Variants in CSMD3 observed in about 807,000 individuals in gnomAD.
CSMD3 encodes the protein CUB and Sushi multiple domains 3, also known as CUB and sushi domain-containing protein 3.
Under a neutral mutation model 435.2 loss-of-function variants are expected in CSMD3, and 177 were observed. The observed-to-expected ratio is 0.41, with a 90% CI of 0.36 to 0.46. The LOEUF (loss-of-function observed/expected upper bound fraction) is 0.46. Among genes scored for constraint, CSMD3 ranks in the 20% least tolerant of loss-of-function variants. The pLI is 0.34. For synonymous variants in CSMD3, 1,656 were observed against 1,520.5 expected, an observed-to-expected ratio of 1.09 and a Z score of -2.07; for missense variants, 4,265 against 4,504.6, an observed-to-expected ratio of 0.95 and a Z score of 1.52.
rs966606634 is a variant in CSMD3, at chr8:112,263,947, T to G, written c.9689-135A>C. 9.7e-6 allele frequency: 8 copies of G among 821,388 alleles called. No homozygotes were observed. In the African/African-American group the frequency reaches 1.2e-4, roughly 12 times the overall value. The allele number at this position is 821,388 out of a possible 1,614,324, so 50.9% of individuals were successfully genotyped here. On this transcript the variant is annotated intron_variant, in intron 60 of 70. Transcript: ENST00000297405. ...GGACAATATGTTGTGACATATCTTA[T>G]TCTCCTGGTAGTGTTCCTGAGTCAT...
chr8:113,246,589 T>C lies in CSMD3; in HGVS notation c.514+32003A>G, dbSNP rs2093278499. On this transcript the variant is annotated intron_variant, in intron 3 of 70. Coordinates refer to ENST00000297405, the MANE Select transcript of CSMD3 (RefSeq NM_198123.2). ...ATATCTGTAATTTGGATATAATTTCTATTAACTACTTTTTTCCTATTATGG... is the reference window on the plus strand; with the variant it reads ...ATATCTGTAATTTGGATATAATTTCCATTAACTACTTTTTTCCTATTATGG... 2.0e-5 allele frequency among the ~76,000 whole-genome samples: 3 copies of C among 152,182 alleles called. No homozygotes were observed. The South Asian group carries it at 6.2e-4, about 31-fold the overall frequency.
At chr8:112,875,697 C>T (rs1333743763) in intron 10 of CSMD3, among the ~76,000 whole-genome samples, 2 of 152,124 alleles carry the variant, frequency 1.3e-5, no homozygotes, top group African/African-American at 2.4e-5. Flanking sequence ...ATCCTTTCTT[C>T]CAATGGATCA....
At chr8:113,356,467 A>G (rs2094228864) in intron 1 of CSMD3, among the ~76,000 whole-genome samples, 1 of 152,148 alleles carries the variant, frequency 6.6e-6, no homozygotes, top group African/African-American at 2.4e-5. Context: ...GAAGATTTCT[A>G]CCTTTACAGG....
chr8:112,592,770 T>C (rs916682488), intron 22 of CSMD3, among the ~76,000 whole-genome samples: 3 of 152,122 alleles, frequency 2.0e-5, no homozygotes, highest in Non-Finnish European at 4.4e-5. Context: ...AAAAATAATG[T>C]TCTTAATAAA....
chr8:113,073,849 T>A (rs1042092811), intron 5 of CSMD3, among the ~76,000 whole-genome samples: 1 of 151,842 alleles, frequency 6.6e-6, no homozygotes, highest in African/African-American at 2.4e-5. Context: ...AGTCTTGTCA[T>A]CCTAATTAAT....
intron 7 of CSMD3, among the ~76,000 whole-genome samples, chr8:112,974,976 A>G (rs776139413): frequency 6.6e-6 from 1 of 151,886 alleles, no homozygotes; most frequent in South Asian, 2.1e-4. Context: ...AATATGTTCA[A>G]TTAATTAATG....
chr8:113,172,408 G>A (rs2092282813), intron 4 of CSMD3, among the ~76,000 whole-genome samples: 5 of 152,142 alleles, frequency 3.3e-5, no homozygotes, highest in Non-Finnish European at 7.4e-5. Flanking sequence ...AACACCAGCA[G>A]TAGCAGTAAT....
At chr8:113,348,604 T>C (rs1019987798) in intron 1 of CSMD3, among the ~76,000 whole-genome samples, 1 of 152,036 alleles carries the variant, frequency 6.6e-6, no homozygotes, top group Non-Finnish European at 1.5e-5. Flanking sequence ...CAGGTATGCA[T>C]GTGGGAGGGA....
At chr8:112,741,260 C>T (rs1254852875) in intron 13 of CSMD3, among the ~76,000 whole-genome samples, 3 of 151,852 alleles carry the variant, frequency 2.0e-5, no homozygotes, top group Non-Finnish European at 4.4e-5. Flanking sequence ...TCCTACAACT[C>T]AATAGCAATT....
At chr8:112,981,584 A>T (rs1336311942) in intron 6 of CSMD3, among the ~76,000 whole-genome samples, 1 of 151,678 alleles carries the variant, frequency 6.6e-6, no homozygotes, top group Non-Finnish European at 1.5e-5. Context: ...TGAATAAATA[A>T]ATAATATATT....
intron 5 of CSMD3, among the ~76,000 whole-genome samples, chr8:113,020,311 A>G (rs1017136145): frequency 1.3e-5 from 2 of 152,128 alleles, no homozygotes; most frequent in African/African-American, 2.4e-5. Flanking sequence ...TTGCAAGAAT[A>G]CCATTTATAA....
In CSMD3 at chr8:113,402,894, T is replaced by C. The variant is rs958550748; in HGVS notation, c.178+33783A>G. On this transcript the variant is annotated intron_variant, in intron 1 of 70. Transcript: ENST00000297405. The stretch of plus-strand genomic sequence containing the variant: ...ATATTTCTCTTAAGTAGATGATTTA[T>C]TTTTTATAGTGTACCTTTTTCAGGG... 4.0e-5 allele frequency among the ~76,000 whole-genome samples: 6 copies of C among 151,306 alleles called. No homozygotes were observed. In the East Asian group the frequency reaches 1.2e-3, roughly 29 times the overall value.
intron 3 of CSMD3, among the ~76,000 whole-genome samples, chr8:113,275,978 T>G (rs2093566489): frequency 6.6e-6 from 1 of 152,026 alleles, no homozygotes; most frequent in Non-Finnish European, 1.5e-5. Flanking sequence ...TGGATCCAAA[T>G]GCAGGGGAGT....
chr8:112,301,178 T>C (rs1820886173), intron 53 of CSMD3, among the ~76,000 whole-genome samples: 1 of 151,994 alleles, frequency 6.6e-6, no homozygotes, highest in African/African-American at 2.4e-5. Flanking sequence ...AAAAAGGAGA[T>C]AAAGCATAAA....
intron 6 of CSMD3, among the ~76,000 whole-genome samples, chr8:113,010,604 A>G (rs979484175): frequency 6.6e-6 from 1 of 151,796 alleles, no homozygotes; most frequent in Non-Finnish European, 1.5e-5. Context: ...TAATTGAAAT[A>G]AAAATCATTA....
At chr8:113,402,538 G>A (rs916986116) in intron 1 of CSMD3, among the ~76,000 whole-genome samples, 6 of 151,114 alleles carry the variant, frequency 4.0e-5, no homozygotes, top group Non-Finnish European at 5.9e-5. Flanking sequence ...TAATGTCCCC[G>A]AATTTAAAAA....
intron 1 of CSMD3, among the ~76,000 whole-genome samples, chr8:113,433,467 A>G (rs1324301318): frequency 6.6e-6 from 1 of 152,186 alleles, no homozygotes; most frequent in East Asian, 1.9e-4. Flanking sequence ...TCCAGTAGCA[A>G]CTAACTGCGG....
At position 112,289,369 on chromosome 8, in the gene CSMD3, A is replaced by G. The variant is rs7001415; in HGVS notation, c.9144T>C (p.Cys3048=). The G allele has an allele frequency of 6.2e-7, 1 of 1,613,024 alleles. No homozygotes were observed. The highest frequency in any genetic ancestry group is 1.7e-5 in the Admixed American group (1 of 59,904). Residue 3048 remains cysteine, a synonymous_variant, in exon 57 of 71, where the codon TGT becomes TGC. Transcript: ENST00000297405. ...GTCCAATTTTCCAAGTGGTACCTGA[A>G]CAATGAGGTTGTGATCCACTCCAAT... ...NGHWSGSQPH[C]SGDATGTCGD... is the part of the protein sequence containing the mutation.
intron 32 of CSMD3, among the ~76,000 whole-genome samples, chr8:112,470,576 A>G (rs1408338315): frequency 2.6e-5 from 4 of 152,156 alleles, no homozygotes; most frequent in Admixed American, 2.6e-4. Context: ...GAAAGCTGGC[A>G]TTCGTTAACC....
Sources: gnomAD v4.1 joint callset for allele counts (sites outside exome capture counted in the v4.1 genomes callset) on GRCh38, gnomAD v4.1.1 for gene constraint, MANE v1.5 for transcripts, NCBI Gene and HGNC (gene_info 2026-07-23, HGNC 2026-07-21) for gene names.